LTA4H: variants seen among roughly 807,000 people sequenced by gnomAD.
LTA4H encodes the protein leukotriene A-4 hydrolase.
Under a neutral mutation model 89.8 loss-of-function variants are expected in LTA4H, and 59 were observed. That is an observed-to-expected ratio of 0.66 (90% CI 0.53 to 0.82). The LOEUF (loss-of-function observed/expected upper bound fraction) is 0.82. Ranked by LOEUF, LTA4H falls within the 40% of genes least tolerant of loss-of-function variation. LTA4H has a pLI of 0.00. For synonymous variants in LTA4H, 227 were observed against 253.1 expected (o/e 0.90, Z 0.98); for missense variants, 617 against 727.0 (o/e 0.85, Z 1.74).
rs1258778784 is a variant in LTA4H, at chr12:96,016,618, T to C, written c.947+426A>G. Among the ~76,000 whole-genome samples, 5 of 145,856 alleles carry C rather than the reference T, an allele frequency of 3.4e-5. No homozygotes were observed. The South Asian group carries it at 8.7e-4, about 25-fold the overall frequency. On this transcript the variant is annotated intron_variant, in intron 10 of 18. Coordinates refer to ENST00000228740, the MANE Select transcript of LTA4H (RefSeq NM_000895.3). Reference sequence around the variant, plus strand: ...CTTGTCTCCAATTAAAAAAAAAAAATAGCTGGGCATGGTGGCTCACACCTG... The same window carrying C: ...CTTGTCTCCAATTAAAAAAAAAAAACAGCTGGGCATGGTGGCTCACACCTG...
intron 14 of LTA4H, chr12:96,012,529 T>C (rs139936478): frequency 0.027 from 4,191 of 152,472 alleles, 178 homozygotes; most frequent in African/African-American, 0.089. Context: ...CTGGGCAATA[T>C]GGTGAAACCC....
chr12:96,032,149 A>G (rs1215881726), intron 1 of LTA4H, among the ~76,000 whole-genome samples: 1 of 152,252 alleles, frequency 6.6e-6, no homozygotes, highest in African/African-American at 2.4e-5. Flanking sequence ...GGTTTCAGTG[A>G]AAAGAAACAA....
chr12:96,001,989 C>T (rs946882971), intron 18 of LTA4H, among the ~76,000 whole-genome samples: 2 of 152,050 alleles, frequency 1.3e-5, no homozygotes, highest in African/African-American at 4.8e-5. Flanking sequence ...TCCCAAGTAG[C>T]TAGGATTACA....
At chr12:96,039,049 T>C (rs1318413174), upstream of LTA4H, among the ~76,000 whole-genome samples, 1 of 151,956 alleles carries the variant, frequency 6.6e-6, no homozygotes, top group East Asian at 1.9e-4. Context: ...CAATGGGGAA[T>C]TGAGAATGCT....
At chr12:96,024,626 T>C (rs1370143449) in intron 3 of LTA4H, 79 bp from the exon 4 acceptor site, 2 of 930,080 alleles carry the variant, frequency 2.2e-6, no homozygotes, top group Admixed American at 1.9e-5. Context: ...AATTGCAGCA[T>C]TGTTCTTAGA....
In LTA4H at chr12:96,001,559, T is replaced by A. The variant is rs186599693; in HGVS notation, c.1719-453A>T. ...GTGAGAGTGAGCCTCAAAGCCTTTC[T>A]TTTTAAAAACTGCTTTTAAAAAAAA... On this transcript the variant is annotated intron_variant, in intron 18 of 18. Coordinates refer to ENST00000228740, the MANE Select transcript of LTA4H (RefSeq NM_000895.3). Among the ~76,000 whole-genome samples, 6 of 152,316 alleles carry A rather than the reference T, an allele frequency of 3.9e-5. No individual in the cohort carries two copies. In the East Asian group the frequency reaches 1.2e-3, roughly 29 times the overall value.
chr12:96,009,014 A>C, intron 15 of LTA4H, 80 bp downstream of exon 15: 1 of 1,048,974 alleles, frequency 9.5e-7, no homozygotes, highest in South Asian at 1.3e-5. Flanking sequence ...TTTGTGATTT[A>C]AAGTACCCTC....
intron 12 of LTA4H, among the ~76,000 whole-genome samples, 184 bp downstream of exon 12, chr12:96,014,671 C>A (rs146961344): frequency 0.011 from 1,613 of 152,092 alleles, 25 homozygotes; most frequent in African/African-American, 0.036. Context: ...ATAATTTAAA[C>A]CTTAGGGGTT....
At position 96,006,323 on chromosome 12, in the gene LTA4H, C is replaced by T. The variant is rs774265420; in HGVS notation, c.1521G>A (p.Thr507=). 8 of 1,603,344 alleles carry T rather than the reference C, an allele frequency of 5.0e-6. No individual in the cohort carries two copies. The highest frequency in any genetic ancestry group is 4.4e-5 in the South Asian group (4 of 90,374). ...SHQLNEFLAQ[T]LQRAPLPLGH... is the part of the protein sequence containing the mutation. ...TTGAGCTAGTACTTACCCTCTGGAG[C>T]GTCTGTGCTAAAAACTCATTCAATT... The change falls in exon 16 of 19, where the codon ACG becomes ACA. Residue 507 remains threonine (T), a synonymous_variant. Coordinates refer to ENST00000228740, the MANE Select transcript of LTA4H (RefSeq NM_000895.3).
At chr12:96,021,235 T>C in intron 5 of LTA4H, 98 bp from the exon 6 acceptor site, 1 of 872,072 alleles carries the variant, frequency 1.1e-6, no homozygotes, top group Non-Finnish European at 1.7e-6. Flanking sequence ...TAAATTCCCT[T>C]TCAAATCTCC....
chr12:96,023,238 TACA>T (rs1487624836), intron 4 of LTA4H, among the ~76,000 whole-genome samples: 1 of 152,220 alleles, frequency 6.6e-6, no homozygotes, highest in East Asian at 1.9e-4. Flanking sequence ...GAACCAGTGC[TACA>T]ACAATTGTAG....
At chr12:96,019,069 G>A (rs1238382178) in intron 7 of LTA4H, 99 bp downstream of exon 7, 2 of 1,230,652 alleles carry the variant, frequency 1.6e-6, no homozygotes, top group Non-Finnish European at 2.3e-6. Flanking sequence ...AGACAATCTG[G>A]TTCTTTCCCC....
chr12:96,017,588 AAAAG>A lies in LTA4H; in HGVS notation c.853-12_853-9del, dbSNP rs768131489. ...GAGTGACTTGTCGCCTGCCTACAAA[AAAAG>A]AAAATTACCTTAGTATTTTAGTAAT... On this transcript the variant is annotated splice_polypyrimidine_tract_variant and intron_variant, in intron 8 of 18. Coordinates refer to ENST00000228740, the MANE Select transcript of LTA4H (RefSeq NM_000895.3). The A allele has an allele frequency of 2.5e-6, 4 of 1,607,368 alleles. No homozygotes were observed. The African/African-American group carries it at 5.3e-5, about 21-fold the overall frequency.
chr12:96,014,210 A>T (rs1332290956), intron 12 of LTA4H: 1 of 170,472 alleles, frequency 5.9e-6, no homozygotes, highest in African/African-American at 2.9e-5. Context: ...TCCAGGTGAC[A>T]GACAGCCTTC....
chr12:96,030,447 C>T (rs1318984533), intron 1 of LTA4H, among the ~76,000 whole-genome samples: 1 of 152,126 alleles, frequency 6.6e-6, no homozygotes, highest in East Asian at 1.9e-4. Flanking sequence ...GGACATAGCA[C>T]CACACATTGA....
Position 96,000,829 on chromosome 12 carries a change from A to G in LTA4H, c.*160T>C, listed in dbSNP as rs1452399217. 1.1e-5 allele frequency: 6 copies of G among 545,992 alleles called. No individual in the cohort carries two copies. Among genetic ancestry groups the G allele is most frequent in the African/African-American group, 9.4e-5 (5 of 53,126 alleles). 33.8% of individuals were successfully genotyped at this position (545,992 alleles called of 1,614,324 possible). A position where few individuals can be genotyped will look rare whatever the true frequency, so the allele number is the denominator to read the frequency against. The stretch of plus-strand genomic sequence containing the variant: ...TAAAATTTACAAAGAATATGCCACT[A>G]TAAGAAGAAGTAGCTCAACTTTATT... On this transcript the variant is annotated 3_prime_UTR_variant, in exon 19 of 19. Coordinates refer to ENST00000228740, the MANE Select transcript of LTA4H (RefSeq NM_000895.3).
chr12:96,040,564 C>T (rs1950679817), upstream of LTA4H, among the ~76,000 whole-genome samples: 1 of 152,154 alleles, frequency 6.6e-6, no homozygotes, highest in Non-Finnish European at 1.5e-5. Context: ...TTTCTCTATT[C>T]TTTTCCTGGA....
chr12:96,033,269 T>C (rs1465437023), intron 1 of LTA4H, among the ~76,000 whole-genome samples: 2 of 152,212 alleles, frequency 1.3e-5, no homozygotes, highest in Non-Finnish European at 2.9e-5. Context: ...TCCAGTTAAC[T>C]AAGAGCTTTG....
At chr12:96,042,764 G>C (rs1338905227) in intron 1 of LTA4H, among the ~76,000 whole-genome samples, 1 of 152,066 alleles carries the variant, frequency 6.6e-6, no homozygotes, top group Non-Finnish European at 1.5e-5. Context: ...CCTGTAACCG[G>C]TTACAGAAAT....
Sources: allele counts gnomAD v4.1 joint callset (sites outside exome capture counted in the v4.1 genomes callset), GRCh38; gene constraint gnomAD v4.1.1; transcripts MANE v1.5; gene names NCBI Gene and HGNC (gene_info 2026-07-23, HGNC 2026-07-21).